Variants in FGF13 observed in about 807,000 individuals in gnomAD.
FGF13 encodes the protein fibroblast growth factor 13, also known as fibroblast growth factor homologous factor 2.
A neutral mutation model predicts 19.5 loss-of-function variants in FGF13; 2 were observed. That is an observed-to-expected ratio of 0.10 (90% confidence interval 0.04 to 0.32). The LOEUF is 0.32. Ranked by LOEUF, FGF13 falls within the 10% of genes least tolerant of loss-of-function variation. The pLI is 1.00. For missense variants in FGF13, 113 were observed against 192.7 expected, an observed-to-expected ratio of 0.59 and a Z score of 2.45; for synonymous variants, 72 against 76.9, an observed-to-expected ratio of 0.94 and a Z score of 0.33.
intron 1 of FGF13, among the ~76,000 whole-genome samples, chrX:139,079,118 G>A (rs748717966): frequency 8.9e-6 from 1 of 112,083 alleles, no homozygotes; most frequent in Non-Finnish European, 1.9e-5. Context: ...GATTCGCAGC[G>A]TGTGTTGCTT....
chrX:138,961,285 T>C (rs1031892272), intron 1 of FGF13, among the ~76,000 whole-genome samples: 3 of 111,759 alleles, frequency 2.7e-5, no homozygotes, highest in African/African-American at 9.8e-5. Context: ...TGTAGGTCTG[T>C]TGGAGTTTGC....
chrX:138,984,109 TAAG>T (rs2091976045), intron 1 of FGF13, among the ~76,000 whole-genome samples: 3 of 111,479 alleles, frequency 2.7e-5, no homozygotes, highest in African/African-American at 9.8e-5. Context: ...CTTTGTTTTT[TAAG>T]AAGAAGCAAG....
rs200911113 is a variant in FGF13 at position 138,846,185 on chromosome X, T to TTGTGTGTGTGTGTG, written c.217+11313_217+11326dup. ...ATTTTAAATAGTAATATGTGTCCAT[T>TTGTGTGTGTGTGTG]TGTGTGTGTGTGTGTGTGTGTGTGT... On this transcript the variant is annotated intron_variant, in intron 3 of 6. Transcript: ENST00000436198. Among the ~76,000 whole-genome samples the TTGTGTGTGTGTGTG allele has an allele frequency of 4.8e-4, 46 of 96,655 alleles. No individual in the cohort carries two copies. In the East Asian group the frequency reaches 9.3e-3, roughly 20 times the overall value. The allele number at this position is 96,655 out of a possible 115,157, so 83.9% of individuals were successfully genotyped here.
chrX:138,879,397 C>T (rs1447840367), intron 1 of FGF13, among the ~76,000 whole-genome samples: 1 of 111,926 alleles, frequency 8.9e-6, no homozygotes, highest in East Asian at 2.8e-4. Context: ...TTCCGTTGCT[C>T]ATGCTTTTGC....
At chrX:138,959,908 T>G (rs183641907) in intron 1 of FGF13, among the ~76,000 whole-genome samples, 20 of 111,961 alleles carry the variant, frequency 1.8e-4, no homozygotes, top group Non-Finnish European at 3.8e-4. Context: ...TTTGAGCCTA[T>G]GTGTGTCTCT....
chrX:138,782,295 G>A (rs2090651239), intron 3 of FGF13, among the ~76,000 whole-genome samples: 1 of 112,332 alleles, frequency 8.9e-6, no homozygotes, highest in South Asian at 3.7e-4. Context: ...CAAAGTGTTG[G>A]AAGTTCTGGC....
chrX:138,835,618 G>A (rs967375212), intron 3 of FGF13, among the ~76,000 whole-genome samples: 6 of 111,925 alleles, frequency 5.4e-5, no homozygotes, highest in Non-Finnish European at 9.4e-5. Flanking sequence ...GCTTGCCACT[G>A]TGTGTCTTTT....
At chrX:138,737,793 T>C (rs184259204) in intron 1 of FGF13, among the ~76,000 whole-genome samples, 52 of 112,259 alleles carry the variant, frequency 4.6e-4, no homozygotes, top group African/African-American at 1.6e-3. Flanking sequence ...TACTGTATCC[T>C]GAGTAAAGAG....
chrX:138,620,359 A>G lies in FGF13; in HGVS notation c.*12491T>C, dbSNP rs1265295047. Reference sequence around the variant, plus strand: ...AGAGATACTATTAGGAAAAATAGCTAATGCATGCTTGGCTGAACACCTCAG... The same window carrying G: ...AGAGATACTATTAGGAAAAATAGCTGATGCATGCTTGGCTGAACACCTCAG... On this transcript the variant is annotated 3_prime_UTR_variant, in exon 5 of 5. Coordinates refer to ENST00000315930, the MANE Select transcript of FGF13 (RefSeq NM_004114.5). 1.8e-5 allele frequency: 2 copies of G among 111,106 alleles called. No individual in the cohort carries two copies. The highest frequency in any genetic ancestry group is 3.8e-5 in the Non-Finnish European group (2 of 52,964). The allele number at this position is 111,106 out of a possible 1,213,427, so 9.2% of individuals were successfully genotyped here. A position where few individuals can be genotyped will look rare whatever the true frequency, so the allele number is the denominator to read the frequency against.
chrX:139,194,965 C>T (rs770476512), intron 1 of FGF13, among the ~76,000 whole-genome samples: 2 of 112,064 alleles, frequency 1.8e-5, no homozygotes, highest in African/African-American at 6.5e-5. Flanking sequence ...ACCGCCGCTG[C>T]CGCCGCCAGG....
At chrX:138,991,379 T>G (rs758199092) in intron 1 of FGF13, among the ~76,000 whole-genome samples, 1 of 112,188 alleles carries the variant, frequency 8.9e-6, no homozygotes, top group Admixed American at 9.4e-5. Flanking sequence ...TTTACACATA[T>G]CTTGCAAGAG....
At chrX:139,130,315 T>C (rs1243462432) in intron 1 of FGF13, among the ~76,000 whole-genome samples, 3 of 112,344 alleles carry the variant, frequency 2.7e-5, no homozygotes, top group East Asian at 5.6e-4. Context: ...CCCATTATGA[T>C]TGTATAATTT....
intron 1 of FGF13, among the ~76,000 whole-genome samples, chrX:139,178,514 T>C (rs1380520288): frequency 1.8e-5 from 2 of 111,802 alleles, no homozygotes; most frequent in African/African-American, 6.5e-5. Context: ...CATCACAAAC[T>C]TAGAGCCAAA....
chrX:139,141,047 TGATA>T (rs71855826), intron 1 of FGF13, among the ~76,000 whole-genome samples: 38,262 of 88,890 alleles, frequency 0.43, 7,339 homozygotes, highest in Admixed American at 0.55. Context: ...ACTAGATAGA[TGATA>T]GATAGATAGA....
chrX:139,003,540 T>C (rs2092084861), intron 1 of FGF13, among the ~76,000 whole-genome samples: 1 of 111,550 alleles, frequency 9.0e-6, no homozygotes, highest in Admixed American at 9.5e-5. Context: ...AGTGGCCTGT[T>C]TTAACAGGGC....
intron 1 of FGF13, among the ~76,000 whole-genome samples, chrX:139,021,730 A>G (rs1189398969): frequency 9.0e-6 from 1 of 111,584 alleles, no homozygotes; most frequent in African/African-American, 3.3e-5. Flanking sequence ...ATAATAAATT[A>G]TTATGAAAGA....
chrX:138,730,780 TG>T (rs1346518180), intron 1 of FGF13, among the ~76,000 whole-genome samples: 1 of 111,132 alleles, frequency 9.0e-6, no homozygotes, highest in African/African-American at 3.3e-5. Flanking sequence ...AGTCAGAATT[TG>T]GGAGCTAGAA....
At chrX:138,901,708 T>A (rs1476864547) in intron 1 of FGF13, among the ~76,000 whole-genome samples, 1 of 111,582 alleles carries the variant, frequency 9.0e-6, no homozygotes, top group Non-Finnish European at 1.9e-5. Context: ...GACTGAGATA[T>A]CTCCATCCAG....
Position 139,162,737 on chromosome X carries a change from G to A in FGF13, c.-113+40679C>T, listed in dbSNP as rs944856427. On this transcript the variant is annotated intron_variant, in intron 1 of 2. Coordinates refer to the FGF13 transcript ENST00000421460. The stretch of plus-strand genomic sequence containing the variant: ...CCATCAAAAAGTGGGCAAAAGATAT[G>A]AACAGACACTTCTCAAAAGAAGACA... 1.1e-3 allele frequency among the ~76,000 whole-genome samples: 128 copies of A among 112,106 alleles called. 1 individual carries two copies. Among genetic ancestry groups the A allele is most frequent in the African/African-American group, 4.1e-3 (126 of 30,855 alleles).
Sources: allele counts gnomAD v4.1 joint callset (sites outside exome capture counted in the v4.1 genomes callset), GRCh38; gene constraint gnomAD v4.1.1; transcripts MANE v1.5; gene names NCBI Gene and HGNC (gene_info 2026-07-23, HGNC 2026-07-21).